RABEP1: variants seen among roughly 807,000 people sequenced by gnomAD.
RABEP1 encodes rab GTPase-binding effector protein 1.
A neutral mutation model predicts 123.4 loss-of-function variants in RABEP1; 51 were observed. The observed-to-expected ratio is 0.41, with a 90% confidence interval of 0.33 to 0.52. The LOEUF is 0.52. RABEP1 is among the 20% of genes least tolerant of loss of function. The probability of loss-of-function intolerance (pLI) is 0.16; values close to 1 mark genes in which losing one functional copy is unlikely to be tolerated. For synonymous variants in RABEP1, 347 were observed against 355.2 expected, an observed-to-expected ratio of 0.98 and a Z score of 0.26; for missense variants, 888 against 996.3, an observed-to-expected ratio of 0.89 and a Z score of 1.46.
intron 2 of RABEP1, among the ~76,000 whole-genome samples, chr17:5,316,926 A>G (rs889671624): frequency 6.6e-6 from 1 of 150,746 alleles, no homozygotes; most frequent in Admixed American, 6.6e-5. Context: ...ATCTTTTGAG[A>G]TGAAGTCTTG....
rs61446536 is a variant in RABEP1, at chr17:5,329,818, C to CATATATAT, written c.164-2111_164-2104dup. On this transcript the variant is annotated intron_variant, in intron 2 of 17. Transcript: ENST00000537505. ...TAAATATAACATTCATATATATGTT[C>CATATATAT]ATATATATATATATATATATATATA... Among the ~76,000 whole-genome samples, 181 of 143,102 alleles carry CATATATAT rather than the reference C, an allele frequency of 1.3e-3. 3 individuals are homozygous for CATATATAT. The highest frequency in any genetic ancestry group is 0.011 in the Middle Eastern group (3 of 274). 93.9% of individuals were successfully genotyped at this position (143,102 alleles called of 152,430 possible).
intron 7 of RABEP1, among the ~76,000 whole-genome samples, chr17:5,352,307 C>T (rs1490045454): frequency 2.0e-5 from 3 of 151,822 alleles, no homozygotes; most frequent in African/African-American, 7.3e-5. Context: ...ATTCTTCTGT[C>T]TCAGCCGCCC....
intron 15 of RABEP1, 32 bp from the exon 16 acceptor site, chr17:5,380,332 T>C: frequency 1.4e-6 from 2 of 1,456,374 alleles, no homozygotes; most frequent in Non-Finnish European, 1.9e-6. Context: ...AGAGGGAGTT[T>C]CTGTGAGTTT....
chr17:5,350,761 T>A, intron 7 of RABEP1, 132 bp downstream of exon 7: 1 of 974,694 alleles, frequency 1.0e-6, no homozygotes, highest in Non-Finnish European at 1.5e-6. Context: ...GTGCCACTTT[T>A]AAAAACATAA....
intron 2 of RABEP1, among the ~76,000 whole-genome samples, chr17:5,316,440 A>G (rs1310570303): frequency 2.1e-5 from 2 of 95,116 alleles, no homozygotes; most frequent in Non-Finnish European, 3.8e-5. Context: ...ACAGAGTGAG[A>G]CTCTGTCTCA....
At chr17:5,316,832 C>T (rs1215994932) in intron 2 of RABEP1, among the ~76,000 whole-genome samples, 1 of 67,186 alleles carries the variant, frequency 1.5e-5, no homozygotes, top group South Asian at 7.9e-4. Context: ...GACTCTGTCT[C>T]AAAAAAAAAA....
intron 1 of RABEP1, 133 bp from the exon 2 acceptor site, chr17:5,308,561 A>T: frequency 1.2e-6 from 1 of 816,366 alleles, no homozygotes; most frequent in Non-Finnish European, 1.9e-6. Context: ...ATATCCTAGC[A>T]TATGGTGGAT....
intron 2 of RABEP1, among the ~76,000 whole-genome samples, chr17:5,326,526 G>T (rs1305900880): frequency 6.6e-6 from 1 of 152,202 alleles, no homozygotes; most frequent in Non-Finnish European, 1.5e-5. Flanking sequence ...AATTTTTAGA[G>T]CAGTGAAACT....
chr17:5,289,590 G>A (rs1324525822), intron 1 of RABEP1, among the ~76,000 whole-genome samples: 1 of 151,760 alleles, frequency 6.6e-6, no homozygotes, highest in Admixed American at 6.6e-5. Flanking sequence ...TTAAATTAGA[G>A]AAGTTTAATA....
chr17:5,332,796 C>T (rs1041958897), intron 3 of RABEP1, among the ~76,000 whole-genome samples: 8 of 151,684 alleles, frequency 5.3e-5, no homozygotes, highest in Non-Finnish European at 8.8e-5. Context: ...TTAGTAGAGA[C>T]GGGATTTCGC....
intron 2 of RABEP1, among the ~76,000 whole-genome samples, chr17:5,316,931 G>C (rs1340326895): frequency 6.6e-6 from 1 of 150,838 alleles, no homozygotes; most frequent in Non-Finnish European, 1.5e-5. Context: ...TTGAGATGAA[G>C]TCTTGCTCTG....
chr17:5,360,886 G>A (rs1909457649), intron 8 of RABEP1: 1 of 276,108 alleles, frequency 3.6e-6, no homozygotes, highest in African/African-American at 2.2e-5. Context: ...GGAGCTCTTT[G>A]AGCTACCAGA....
At chr17:5,350,682 CAT>C (rs1908464496) in intron 7 of RABEP1, 53 bp downstream of exon 7, 1 of 1,565,004 alleles carries the variant, frequency 6.4e-7, no homozygotes, top group Non-Finnish European at 8.8e-7. Context: ...TCCCCCACCA[CAT>C]GTGATTGCAT....
intron 11 of RABEP1, 83 bp from the exon 12 acceptor site, chr17:5,368,287 C>T (rs1910248155): frequency 1.1e-6 from 1 of 947,850 alleles, no homozygotes; most frequent in Non-Finnish European, 1.7e-6. Context: ...CAATTCCAGA[C>T]ACTAAATAGT....
chr17:5,320,421 C>CAAAAAAAAAAAAAAAAAAAAAAAAAAAAA (rs60202531), intron 2 of RABEP1, among the ~76,000 whole-genome samples: 1 of 84,652 alleles, frequency 1.2e-5, no homozygotes, highest in African/African-American at 4.3e-5. Context: ...GCTAACACAC[C>CAAAAAAAAAAAAAAAAAAAAAAAAAAAAA]AAAAAAAAAA....
At chr17:5,376,441 T>TG (rs1911000270) in intron 13 of RABEP1, among the ~76,000 whole-genome samples, 1 of 152,252 alleles carries the variant, frequency 6.6e-6, no homozygotes, top group Non-Finnish European at 1.5e-5. Flanking sequence ...AAACTGTTGT[T>TG]TTATATATAT....
At chr17:5,350,801 T>A (rs1447431656) in intron 7 of RABEP1, among the ~76,000 whole-genome samples, 172 bp downstream of exon 7, 1 of 152,180 alleles carries the variant, frequency 6.6e-6, no homozygotes, top group Non-Finnish European at 1.5e-5. Flanking sequence ...TTGTTTTTCA[T>A]CTTTAGAAAT....
At position 5,384,637 on chromosome 17, in the gene RABEP1, G is replaced by A. The variant is rs901032834; in HGVS notation, c.*1414G>A. 1.9e-4 allele frequency: 40 copies of A among 213,334 alleles called. 1 individual carries two copies. Among genetic ancestry groups the A allele is most frequent in the Non-Finnish European group, 9.4e-6 (1 of 105,870 alleles). 13.2% of individuals were successfully genotyped at this position (213,334 alleles called of 1,614,324 possible). ...TCTTCTGTACTTCTGTCTTCCATAGGACAAATGATAAGTACTACATACCTC... is the reference window on the plus strand; with the variant it reads ...TCTTCTGTACTTCTGTCTTCCATAGAACAAATGATAAGTACTACATACCTC... On this transcript the variant is annotated 3_prime_UTR_variant, in exon 18 of 18. Transcript: ENST00000537505.
Position 5,369,655 on chromosome 17 carries a change from G to A in RABEP1, c.1884+1187G>A, listed in dbSNP as rs116181565. Reference sequence around the variant, plus strand: ...AATACTGACAGTTTCATAGCGGTGAGCCTCCTACACTCCTTCGACCCCTTG... The same window carrying A: ...AATACTGACAGTTTCATAGCGGTGAACCTCCTACACTCCTTCGACCCCTTG... On this transcript the variant is annotated intron_variant, in intron 12 of 17. Transcript: ENST00000537505. 9.9e-3 allele frequency among the ~76,000 whole-genome samples: 1,500 copies of A among 151,970 alleles called. 23 individuals are homozygous for A. Among genetic ancestry groups the A allele is most frequent in the African/African-American group, 0.034 (1,418 of 41,454 alleles).
Sources: gnomAD v4.1 joint callset for allele counts (sites outside exome capture counted in the v4.1 genomes callset) on GRCh38, gnomAD v4.1.1 for gene constraint, MANE v1.5 for transcripts, NCBI Gene and HGNC (gene_info 2026-07-23, HGNC 2026-07-21) for gene names.